SRPK2: variants seen among roughly 807,000 people sequenced by gnomAD.
SRPK2 encodes the protein SFRS protein kinase 2.
SRPK2 carries 21 observed loss-of-function variants against 90.8 expected under a neutral mutation model. That is an observed-to-expected ratio of 0.23 (90% CI 0.16 to 0.33). SRPK2 has a LOEUF of 0.33. Among genes scored for constraint, SRPK2 ranks in the 10% least tolerant of loss-of-function variants. The pLI is 1.00. For missense variants in SRPK2, 620 were observed against 869.0 expected (o/e 0.71, Z 3.60); for synonymous variants, 288 against 311.1 (o/e 0.93, Z 0.78).
chr7:105,385,874 A>C (rs1230420896), intron 2 of SRPK2, among the ~76,000 whole-genome samples: 3 of 152,200 alleles, frequency 2.0e-5, no homozygotes, highest in African/African-American at 7.2e-5. Flanking sequence ...CACAGTGTTC[A>C]AATGTCATCT....
chr7:105,387,952 G>A (rs1370746663), intron 2 of SRPK2, among the ~76,000 whole-genome samples: 1 of 152,154 alleles, frequency 6.6e-6, no homozygotes, highest in Non-Finnish European at 1.5e-5. Context: ...CCGCGCACAC[G>A]CCCACCGCCC....
intron 13 of SRPK2, among the ~76,000 whole-genome samples, chr7:105,129,120 C>A (rs1801621065): frequency 2.0e-5 from 3 of 152,292 alleles, no homozygotes; most frequent in East Asian, 1.9e-4. Context: ...CGCCACCACG[C>A]CCGGCTAATT....
intron 2 of SRPK2, among the ~76,000 whole-genome samples, chr7:105,242,342 T>C (rs1449563269): frequency 6.6e-6 from 1 of 152,016 alleles, no homozygotes; most frequent in Non-Finnish European, 1.5e-5. Flanking sequence ...TGAAACCCCA[T>C]CTCTACTAAA....
chr7:105,153,675 CT>C (rs1584973430), intron 7 of SRPK2, among the ~76,000 whole-genome samples: 1 of 152,124 alleles, frequency 6.6e-6, no homozygotes, highest in Non-Finnish European at 1.5e-5. Context: ...AAGCGGTGGA[CT>C]TTCTTCCTCC....
intron 15 of SRPK2, among the ~76,000 whole-genome samples, chr7:105,121,225 A>T (rs1800313965): frequency 6.6e-6 from 1 of 151,994 alleles, no homozygotes; most frequent in Non-Finnish European, 1.5e-5. Flanking sequence ...CACACCTGTA[A>T]TCCCAGCTAC....
At chr7:105,350,600 C>T (rs532490789) in intron 2 of SRPK2, among the ~76,000 whole-genome samples, 11 of 147,788 alleles carry the variant, frequency 7.4e-5, no homozygotes, top group South Asian at 6.5e-4. Context: ...CTGAGCTCAC[C>T]GCAACCTCCG....
At chr7:105,208,075 G>A (rs1012467719) in intron 2 of SRPK2, among the ~76,000 whole-genome samples, 1 of 152,052 alleles carries the variant, frequency 6.6e-6, no homozygotes, top group Non-Finnish European at 1.5e-5. Flanking sequence ...TCAGAGAAAT[G>A]GAAATCAAAA....
chr7:105,241,203 T>G (rs1217638493), intron 2 of SRPK2, among the ~76,000 whole-genome samples: 1 of 152,166 alleles, frequency 6.6e-6, no homozygotes, highest in African/African-American at 2.4e-5. Flanking sequence ...AAAGCTAAAT[T>G]TAGATGTTCC....
chr7:105,230,837 A>T (rs1192950368), intron 2 of SRPK2, among the ~76,000 whole-genome samples: 4 of 151,954 alleles, frequency 2.6e-5, no homozygotes, highest in African/African-American at 9.7e-5. Flanking sequence ...TTTTTCAGTT[A>T]AAAAAAAGTA....
chr7:105,349,429 G>A (rs1396025370), intron 2 of SRPK2, among the ~76,000 whole-genome samples: 1 of 148,778 alleles, frequency 6.7e-6, no homozygotes, highest in African/African-American at 2.5e-5. Context: ...GGCTGAGGCA[G>A]GAAAATCGCT....
At chr7:105,202,972 AT>A (rs1795742705) in intron 3 of SRPK2, among the ~76,000 whole-genome samples, 1 of 152,102 alleles carries the variant, frequency 6.6e-6, no homozygotes, top group Non-Finnish European at 1.5e-5. Context: ...ATGTTCTTTT[AT>A]TATTTTAATG....
chr7:105,388,745 C>A (rs756042526), intron 1 of SRPK2, 43 bp from the exon 2 acceptor site: 1 of 1,549,164 alleles, frequency 6.5e-7, no homozygotes, highest in Non-Finnish European at 8.7e-7. Context: ...GCCGCCCGCC[C>A]GGGCTGGCCG....
chr7:105,352,663 G>A (rs968473669), intron 2 of SRPK2, among the ~76,000 whole-genome samples: 1 of 152,256 alleles, frequency 6.6e-6, no homozygotes. Context: ...ACTTTGGGAG[G>A]CCAAGGTGGG....
chr7:105,301,504 C>A, intron 2 of SRPK2: 1 of 1,309,222 alleles, frequency 7.6e-7, no homozygotes, highest in South Asian at 1.2e-5. Context: ...CAGGAGGCGC[C>A]CCGCAACCGG....
chr7:105,277,529 G>A lies in SRPK2; in HGVS notation c.72-73744C>T, dbSNP rs186294772. Among the ~76,000 whole-genome samples the A allele has an allele frequency of 4.6e-5, 7 of 152,296 alleles. No individual in the cohort carries two copies. In the East Asian group the frequency reaches 1.3e-3, roughly 29 times the overall value. ...GACTCATAAGTGAATGTTCACAAAG[G>A]TGCAAGAATAAAGCAATTCCTCTGC... On this transcript the variant is annotated intron_variant, in intron 2 of 15. Coordinates refer to ENST00000393651, the MANE Select transcript of SRPK2 (RefSeq NM_182692.3).
intron 6 of SRPK2, among the ~76,000 whole-genome samples, chr7:105,166,377 A>G (rs1172080713): frequency 6.6e-6 from 1 of 152,230 alleles, no homozygotes; most frequent in African/African-American, 2.4e-5. Flanking sequence ...ATCTGACGAG[A>G]TATCAAGAAC....
chr7:105,279,504 A>T (rs1052746297), intron 2 of SRPK2, among the ~76,000 whole-genome samples: 1 of 152,158 alleles, frequency 6.6e-6, no homozygotes, highest in Non-Finnish European at 1.5e-5. Context: ...TACCCCCAGG[A>T]GGGTGTGAAC....
At chr7:105,386,993 C>T (rs1011873770) in intron 2 of SRPK2, among the ~76,000 whole-genome samples, 3 of 152,132 alleles carry the variant, frequency 2.0e-5, no homozygotes, top group African/African-American at 7.2e-5. Context: ...ATCCAAACTG[C>T]GGCCCACCAA....
At chr7:105,221,359 T>C (rs912288289) in intron 2 of SRPK2, among the ~76,000 whole-genome samples, 2 of 152,214 alleles carry the variant, frequency 1.3e-5, no homozygotes, top group Non-Finnish European at 2.9e-5. Flanking sequence ...ATAAACCCTG[T>C]GGCTTTGAGC....
Sources: gnomAD v4.1 joint callset for allele counts (sites outside exome capture counted in the v4.1 genomes callset) on GRCh38, gnomAD v4.1.1 for gene constraint, MANE v1.5 for transcripts, NCBI Gene and HGNC (gene_info 2026-07-23, HGNC 2026-07-21) for gene names.